The following RNF144A variants were observed in gnomAD, a reference collection of about 807,000 sequenced individuals.
RNF144A encodes the protein E3 ubiquitin-protein ligase RNF144A.
In RNF144A, 11 loss-of-function variants were observed where a neutral mutation model predicts 38.7. The observed-to-expected ratio is 0.28, with a 90% CI of 0.18 to 0.47. RNF144A has a LOEUF of 0.47. Ranked by LOEUF, RNF144A falls within the 20% of genes least tolerant of loss-of-function variation. RNF144A has a pLI of 0.99. For missense variants in RNF144A, 316 were observed against 377.2 expected, an observed-to-expected ratio of 0.84 and a Z score of 1.34; for synonymous variants, 149 against 143.9, an observed-to-expected ratio of 1.04 and a Z score of -0.25.
intron 7 of RNF144A, among the ~76,000 whole-genome samples, chr2:7,029,072 G>A (rs921621): frequency 0.12 from 18,461 of 152,180 alleles, 1,862 homozygotes; most frequent in East Asian, 0.55. Flanking sequence ...GGAACAGAAG[G>A]CCATGACCCC....
intron 6 of RNF144A, among the ~76,000 whole-genome samples, chr2:7,021,201 T>A (rs1211726786): frequency 6.6e-6 from 1 of 152,114 alleles, no homozygotes; most frequent in Non-Finnish European, 1.5e-5. Context: ...ACTTTGACAT[T>A]TCGTAGGTTG....
chr2:6,989,482 G>A (rs981862117), intron 2 of RNF144A, among the ~76,000 whole-genome samples: 1 of 152,226 alleles, frequency 6.6e-6, no homozygotes, highest in African/African-American at 2.4e-5. Context: ...TTACAGGTTC[G>A]GCCCATTCCC....
chr2:6,996,849 C>T (rs762970368), intron 2 of RNF144A, 67 bp from the exon 3 acceptor site: 22 of 1,533,072 alleles, frequency 1.4e-5, no homozygotes, highest in Non-Finnish European at 1.9e-5. Context: ...GCCAGGAGAA[C>T]CTTGCCACGG....
intron 2 of RNF144A, among the ~76,000 whole-genome samples, chr2:6,953,297 C>T (rs368099093): frequency 1.2e-4 from 18 of 152,080 alleles, no homozygotes; most frequent in East Asian, 5.8e-4. Context: ...GGCATGGTGG[C>T]GGGCGCCTGT....
chr2:7,020,305 G>A (rs949088660), intron 5 of RNF144A, among the ~76,000 whole-genome samples, 168 bp from the exon 6 acceptor site: 2 of 152,136 alleles, frequency 1.3e-5, no homozygotes, highest in African/African-American at 4.8e-5. Flanking sequence ...TACAGCGGAG[G>A]TGGAGGTGGA....
At chr2:6,928,701 G>A (rs954519217) in intron 1 of RNF144A, among the ~76,000 whole-genome samples, 4 of 152,130 alleles carry the variant, frequency 2.6e-5, no homozygotes, top group South Asian at 4.2e-4. Context: ...ATTTTTTTCC[G>A]AGTCTTTGAA....
intron 3 of RNF144A, among the ~76,000 whole-genome samples, chr2:7,012,856 G>A (rs1670906743): frequency 6.6e-6 from 1 of 152,178 alleles, no homozygotes; most frequent in African/African-American, 2.4e-5. Context: ...ATAAACCATA[G>A]GTTGGTAAAA....
intron 8 of RNF144A, among the ~76,000 whole-genome samples, chr2:7,035,554 A>T (rs887740867): frequency 6.6e-6 from 1 of 152,166 alleles, no homozygotes; most frequent in African/African-American, 2.4e-5. Context: ...GTCAGGTTTC[A>T]TTGGCTCCCT....
chr2:7,041,424 TC>T lies in RNF144A; in HGVS notation c.*1667del. On this transcript the variant is annotated 3_prime_UTR_variant, in exon 9 of 9. Coordinates refer to ENST00000320892, the MANE Select transcript of RNF144A (RefSeq NM_014746.6). ...TATGAACCCGAAGCCATTTAGAAAATCCCTGTGTGTCAAAATTACATTCAAA... is the reference window on the plus strand; with the variant it reads ...TATGAACCCGAAGCCATTTAGAAAATCCTGTGTGTCAAAATTACATTCAAA... 1.0e-6 allele frequency: 1 copy of T among 985,850 alleles called. No homozygotes were observed. The highest frequency in any genetic ancestry group is 1.2e-6 in the Non-Finnish European group (1 of 829,932). The allele number at this position is 985,850 out of a possible 1,614,324, so 61.1% of individuals were successfully genotyped here.
intron 6 of RNF144A, among the ~76,000 whole-genome samples, chr2:7,020,989 C>T (rs1221846158): frequency 2.0e-5 from 3 of 152,172 alleles, no homozygotes; most frequent in Non-Finnish European, 4.4e-5. Context: ...GGTTGCAAGT[C>T]CTGCAGTACC....
At chr2:6,981,588 T>G (rs1367899951) in intron 2 of RNF144A, among the ~76,000 whole-genome samples, 3 of 152,180 alleles carry the variant, frequency 2.0e-5, no homozygotes, top group African/African-American at 7.2e-5. Context: ...GTTCCTCATC[T>G]CCATCTGAGA....
At chr2:6,991,225 TATCATTGAGTGGGC>T (rs1427769387) in intron 2 of RNF144A, among the ~76,000 whole-genome samples, 1 of 152,196 alleles carries the variant, frequency 6.6e-6, no homozygotes, top group Non-Finnish European at 1.5e-5. Context: ...GTTAAGTTTT[TATCATTGAGTGGGC>T]ATCATCTGCT....
the RNF144A span, among the ~76,000 whole-genome samples, chr2:7,075,205 A>C: frequency 6.6e-6 from 1 of 152,162 alleles, no homozygotes; most frequent in South Asian, 2.1e-4. Context: ...TCCCACCAGA[A>C]TCATCAGGAG....
intron 7 of RNF144A, among the ~76,000 whole-genome samples, chr2:7,029,405 G>A (rs1304901118): frequency 6.6e-6 from 1 of 152,208 alleles, no homozygotes; most frequent in Non-Finnish European, 1.5e-5. Context: ...ACATGTGTGA[G>A]GGTCCCAGCT....
chr2:7,067,384 G>C (rs1329692446), intron 6 of RNF144A, among the ~76,000 whole-genome samples: 1 of 152,210 alleles, frequency 6.6e-6, no homozygotes, highest in African/African-American at 2.4e-5. Context: ...CTCAGGGGTA[G>C]ACAACCTTCG....
chr2:6,934,013 T>G (rs1223837664), intron 1 of RNF144A, among the ~76,000 whole-genome samples: 1 of 152,200 alleles, frequency 6.6e-6, no homozygotes, highest in Non-Finnish European at 1.5e-5. Flanking sequence ...CACCAATGTA[T>G]CTCTTGAGTA....
At chr2:6,947,460 A>G (rs1666411591) in intron 2 of RNF144A, among the ~76,000 whole-genome samples, 1 of 152,196 alleles carries the variant, frequency 6.6e-6, no homozygotes. Context: ...GAGAATAACA[A>G]TGGTAATATA....
intron 8 of RNF144A, among the ~76,000 whole-genome samples, chr2:7,038,641 G>A (rs1332570140): frequency 2.6e-5 from 4 of 152,160 alleles, no homozygotes; most frequent in Admixed American, 2.6e-4. Flanking sequence ...AGAAGAATGA[G>A]GGAAAAATGA....
Position 7,040,951 on chromosome 2 carries a change from TG to T in RNF144A, c.*1192del. 1 of 985,464 alleles carries T rather than the reference TG, an allele frequency of 1.0e-6. No individual in the cohort carries two copies. The highest frequency in any genetic ancestry group is 1.7e-5 in the African/African-American group (1 of 57,376). The allele number at this position is 985,464 out of a possible 1,614,324, so 61.0% of individuals were successfully genotyped here. Reference sequence around the variant, plus strand: ...ACTTGATCTTTTACAGGGCTGTCTGTGACCATTTCCATGGCAGCAGGATGCA... The same window carrying T: ...ACTTGATCTTTTACAGGGCTGTCTGTACCATTTCCATGGCAGCAGGATGCA... On this transcript the variant is annotated 3_prime_UTR_variant, in exon 9 of 9. Coordinates refer to ENST00000320892, the MANE Select transcript of RNF144A (RefSeq NM_014746.6).
Sources: gnomAD v4.1 joint callset for allele counts (sites outside exome capture counted in the v4.1 genomes callset) on GRCh38, gnomAD v4.1.1 for gene constraint, MANE v1.5 for transcripts, NCBI Gene and HGNC (gene_info 2026-07-23, HGNC 2026-07-21) for gene names.